NFIB: variants seen among roughly 807,000 people sequenced by gnomAD.
NFIB encodes nuclear factor I B.
In NFIB, 11 loss-of-function variants were observed where a neutral mutation model predicts 61.5. That is an observed-to-expected ratio of 0.18 (90% CI 0.11 to 0.30). The LOEUF is 0.30. NFIB is among the 10% of genes least tolerant of loss of function. The pLI, the probability that NFIB is intolerant of heterozygous loss-of-function variation, is 1.00. For synonymous variants in NFIB, 260 were observed against 216.5 expected (o/e 1.20, Z -1.76); for missense variants, 471 against 608.9 (o/e 0.77, Z 2.38).
intron 4 of NFIB, among the ~76,000 whole-genome samples, chr9:14,152,701 AATG>A (rs746579211): frequency 1.3e-5 from 2 of 152,138 alleles, no homozygotes; most frequent in Non-Finnish European, 1.5e-5. Flanking sequence ...ATTTGTAGTA[AATG>A]ATAATTTTAA....
intron 1 of NFIB, among the ~76,000 whole-genome samples, chr9:14,324,862 G>C (rs560991299): frequency 2.0e-5 from 3 of 152,090 alleles, no homozygotes; most frequent in East Asian, 3.9e-4. Context: ...ATTATCATTA[G>C]ATGATACCTA....
upstream of NFIB, among the ~76,000 whole-genome samples, chr9:14,403,142 G>A: frequency 6.6e-6 from 1 of 152,084 alleles, no homozygotes; most frequent in Non-Finnish European, 1.5e-5. Context: ...CTTTATCCCA[G>A]CCCCTTTTCA....
chr9:14,497,306 C>G, the NFIB span, among the ~76,000 whole-genome samples: 1 of 152,060 alleles, frequency 6.6e-6, no homozygotes, highest in African/African-American at 2.4e-5. Context: ...GGGACAGGTG[C>G]CAAGGGGGCT....
At chr9:14,109,307 C>A (rs1474218887) in intron 10 of NFIB, among the ~76,000 whole-genome samples, 2 of 151,962 alleles carry the variant, frequency 1.3e-5, no homozygotes, top group Non-Finnish European at 2.9e-5. Context: ...TCCTTCATTG[C>A]CTATCATAAC....
At chr9:14,492,709 C>A in the NFIB span, among the ~76,000 whole-genome samples, 1 of 152,282 alleles carries the variant, frequency 6.6e-6, no homozygotes. Flanking sequence ...TCACCTCCCA[C>A]CAGGCCCCCC....
chr9:14,304,921 G>C (rs960870066), intron 2 of NFIB, among the ~76,000 whole-genome samples: 2 of 152,130 alleles, frequency 1.3e-5, no homozygotes, highest in Non-Finnish European at 2.9e-5. Flanking sequence ...TTTTTCAAAG[G>C]AAGAACCAAC....
chr9:14,481,125 C>G, the NFIB span, among the ~76,000 whole-genome samples: 1 of 144,668 alleles, frequency 6.9e-6, no homozygotes, highest in Non-Finnish European at 1.5e-5. Flanking sequence ...TTGCTCTCAT[C>G]CAATGGCTGG....
At chr9:14,196,021 C>T (rs143164892) in intron 2 of NFIB, among the ~76,000 whole-genome samples, 1 of 151,934 alleles carries the variant, frequency 6.6e-6, no homozygotes, top group Non-Finnish European at 1.5e-5. Flanking sequence ...TGGTAGGGAA[C>T]AGCATGTGTC....
intron 3 of NFIB, among the ~76,000 whole-genome samples, chr9:14,165,153 C>T (rs1563853715): frequency 6.6e-6 from 1 of 152,150 alleles, no homozygotes; most frequent in East Asian, 1.9e-4. Context: ...GCACCAGGTC[C>T]AGGCGAGTGC....
intron 2 of NFIB, among the ~76,000 whole-genome samples, chr9:14,221,300 T>C (rs1384687224): frequency 6.6e-6 from 1 of 152,218 alleles, no homozygotes; most frequent in African/African-American, 2.4e-5. Context: ...ACTGATTAAG[T>C]GGCAGGAACT....
intron 2 of NFIB, among the ~76,000 whole-genome samples, chr9:14,245,999 T>A (rs1001399421): frequency 6.6e-6 from 1 of 151,990 alleles, no homozygotes; most frequent in South Asian, 2.1e-4. Flanking sequence ...AGGAGTGTTT[T>A]GAAGAATGAA....
chr9:14,429,737 C>T, the NFIB span, among the ~76,000 whole-genome samples: 3 of 152,312 alleles, frequency 2.0e-5, no homozygotes, highest in Non-Finnish European at 2.9e-5. Context: ...ACCTTAGGAG[C>T]GCCGCCTCCC....
intron 2 of NFIB, among the ~76,000 whole-genome samples, chr9:14,192,333 C>A (rs1290779231): frequency 1.3e-5 from 2 of 152,168 alleles, no homozygotes; most frequent in Non-Finnish European, 2.9e-5. Flanking sequence ...GTAAGAAAAA[C>A]TGGTGTGATA....
chr9:14,172,857 C>T (rs2045722632), intron 3 of NFIB, among the ~76,000 whole-genome samples: 1 of 152,018 alleles, frequency 6.6e-6, no homozygotes, highest in Non-Finnish European at 1.5e-5. Flanking sequence ...GCAACCTCTG[C>T]CTCCCAGGTT....
intron 2 of NFIB, among the ~76,000 whole-genome samples, chr9:14,298,457 C>T (rs577013833): frequency 6.6e-6 from 1 of 152,082 alleles, no homozygotes; most frequent in Non-Finnish European, 1.5e-5. Context: ...GTGATATGTA[C>T]CATCATAAAA....
chr9:14,247,322 T>A (rs895053285), intron 2 of NFIB, among the ~76,000 whole-genome samples: 1 of 152,228 alleles, frequency 6.6e-6, no homozygotes, highest in Non-Finnish European at 1.5e-5. Flanking sequence ...CTTAACACTG[T>A]CACCATTTTA....
the NFIB span, among the ~76,000 whole-genome samples, chr9:14,437,456 G>C: frequency 9.7e-3 from 1,478 of 152,262 alleles, 20 homozygotes; most frequent in African/African-American, 0.033. Context: ...GCTTGTGCGG[G>C]ACATTAAACT....
At chr9:14,394,616 A>C (rs893940642) in intron 1 of NFIB, among the ~76,000 whole-genome samples, 5 of 152,178 alleles carry the variant, frequency 3.3e-5, no homozygotes, top group African/African-American at 7.2e-5. Context: ...CCCTGCCCTT[A>C]ACAAGTGGGG....
chr9:14,088,662 C>T (rs896292828), intron 10 of NFIB, among the ~76,000 whole-genome samples: 1 of 151,622 alleles, frequency 6.6e-6, no homozygotes, highest in African/African-American at 2.4e-5. Context: ...CTTTTTTGTA[C>T]AGGAAAAAAA....
Sources: allele counts gnomAD v4.1 joint callset (sites outside exome capture counted in the v4.1 genomes callset), GRCh38; gene constraint gnomAD v4.1.1; transcripts MANE v1.5; gene names NCBI Gene and HGNC (gene_info 2026-07-23, HGNC 2026-07-21).